The following NTMT1 variants were observed in gnomAD, a reference collection of about 807,000 sequenced individuals.
The protein encoded by NTMT1 is N-terminal Xaa-Pro-Lys N-methyltransferase 1, also known as N-terminal RCC1 methyltransferase.
Under a neutral mutation model 17.5 loss-of-function variants are expected in NTMT1, and 8 were observed. That is an observed-to-expected ratio of 0.46 (90% confidence interval 0.27 to 0.82). NTMT1 has a LOEUF of 0.82. NTMT1 is among the 40% of genes least tolerant of loss of function. The pLI is 0.15. For synonymous variants in NTMT1, 128 were observed against 126.8 expected (o/e 1.01, Z -0.06); for missense variants, 221 against 303.5 (o/e 0.73, Z 2.02).
intron 1 of NTMT1, among the ~76,000 whole-genome samples, chr9:129,616,310 G>C (rs879668623): frequency 6.6e-6 from 1 of 152,132 alleles, no homozygotes; most frequent in Non-Finnish European, 1.5e-5. Flanking sequence ...CCGCCTCCCG[G>C]GTTCACGCCA....
At chr9:129,616,755 A>C (rs998426172) in intron 1 of NTMT1, among the ~76,000 whole-genome samples, 3 of 152,196 alleles carry the variant, frequency 2.0e-5, no homozygotes, top group African/African-American at 7.2e-5. Flanking sequence ...TGTATATTTC[A>C]TAGATAACAT....
chr9:129,620,350 G>C lies in NTMT1; in HGVS notation c.-55+11172G>C, dbSNP rs571561788. 2.4e-6 allele frequency: 3 copies of C among 1,228,898 alleles called. No homozygotes were observed. Among genetic ancestry groups the C allele is most frequent in the Non-Finnish European group, 3.0e-6 (3 of 985,976 alleles). The allele number at this position is 1,228,898 out of a possible 1,614,324, so 76.1% of individuals were successfully genotyped here. The stretch of plus-strand genomic sequence containing the variant: ...GCAAGGCGGGCAGGCGCGGCGGGAG[G>C]CGTCCGACGCCCACCCCGGGCTTGG... On this transcript the variant is annotated intron_variant, in intron 1 of 3. Coordinates refer to the NTMT1 transcript ENST00000372486. This position sits in a 1 kb window ranked among gnomAD's most constrained non-coding sequence, Gnocchi z 5.8.
chr9:129,618,490 T>A (rs768968557), intron 1 of NTMT1, among the ~76,000 whole-genome samples: 23 of 152,078 alleles, frequency 1.5e-4, no homozygotes, highest in Non-Finnish European at 2.5e-4. Flanking sequence ...GAACTATGAA[T>A]GTATGGGTAG....
Position 129,619,938 on chromosome 9 carries a change from C to A in NTMT1, c.-55+10760C>A. 2.0e-6 allele frequency: 3 copies of A among 1,494,172 alleles called. No individual in the cohort carries two copies. The South Asian group carries it at 3.5e-5, about 17-fold the overall frequency. 92.6% of individuals were successfully genotyped at this position (1,494,172 alleles called of 1,614,324 possible). ...AGCCCTCAAGGACGGGTTGCGAGGGCTCTGAGATACTCAGCTAACATTAGC... is the reference window on the plus strand; with the variant it reads ...AGCCCTCAAGGACGGGTTGCGAGGGATCTGAGATACTCAGCTAACATTAGC... On this transcript the variant is annotated intron_variant, in intron 1 of 3. Coordinates refer to the NTMT1 transcript ENST00000372486.
At chr9:129,623,823 C>T (rs1011443296), upstream of NTMT1, among the ~76,000 whole-genome samples, 71 of 107,790 alleles carry the variant, frequency 6.6e-4, no homozygotes, top group East Asian at 1.3e-3. Context: ...TTTTTCTTTT[C>T]TTTTCTTTTT....
intron 1 of NTMT1, among the ~76,000 whole-genome samples, chr9:129,610,209 GGGA>G (rs1830079032): frequency 8.9e-6 from 1 of 111,940 alleles, no homozygotes. Flanking sequence ...GGGGGGAGGA[GGGA>G]GGGGGAGGGG....
At chr9:129,612,383 G>C in intron 1 of NTMT1, 1 of 1,613,570 alleles carries the variant, frequency 6.2e-7, no homozygotes, top group Non-Finnish European at 8.5e-7. Flanking sequence ...CGGAGGCCAG[G>C]AGGAGATGGT....
rs532504893 is a variant in NTMT1 at position 129,629,449 on chromosome 9, G to A, written c.-55+3154G>A. On this transcript the variant is annotated intron_variant, in intron 1 of 3. Coordinates refer to ENST00000372483, the MANE Select transcript of NTMT1 (RefSeq NM_014064.4). ...TCTGTTGCCCAGGCTGGAATGCAGAGGCAGGATCATGGCTCACTGCAGCCT... is the reference window on the plus strand; with the variant it reads ...TCTGTTGCCCAGGCTGGAATGCAGAAGCAGGATCATGGCTCACTGCAGCCT... Among the ~76,000 whole-genome samples the A allele has an allele frequency of 2.0e-5, 3 of 152,056 alleles. No individual in the cohort carries two copies. In the South Asian group the frequency reaches 6.2e-4, roughly 32 times the overall value.
chr9:129,634,334 C>T (rs572610652), intron 3 of NTMT1, 28 bp downstream of exon 3: 1 of 1,566,124 alleles, frequency 6.4e-7, no homozygotes, highest in South Asian at 1.2e-5. Flanking sequence ...CTTCCCTGCT[C>T]ACCTGTATGT....
intron 1 of NTMT1, among the ~76,000 whole-genome samples, chr9:129,627,896 A>G (rs1830973683): frequency 6.6e-6 from 1 of 152,200 alleles, no homozygotes; most frequent in Non-Finnish European, 1.5e-5. Flanking sequence ...TGCCGGTGAC[A>G]GTTTCAGCAC....
intron 1 of NTMT1, among the ~76,000 whole-genome samples, chr9:129,617,509 C>G (rs1387991169): frequency 1.3e-5 from 2 of 152,218 alleles, no homozygotes; most frequent in Non-Finnish European, 2.9e-5. Context: ...GTAAGGTGCT[C>G]AAGTATTTGC....
At chr9:129,619,717 C>T (rs761678064) in intron 1 of NTMT1, 25 of 1,613,428 alleles carry the variant, frequency 1.5e-5, no homozygotes, top group Non-Finnish European at 1.4e-5. Context: ...CCCGTCCCCA[C>T]CAAGAAGCGG....
At chr9:129,634,655 G>A (rs888030690) in intron 3 of NTMT1, 9 of 250,686 alleles carry the variant, frequency 3.6e-5, no homozygotes, top group South Asian at 1.3e-4. Context: ...TAAGCTTCGT[G>A]TCTAGCCCTG....
intron 1 of NTMT1, among the ~76,000 whole-genome samples, chr9:129,626,770 C>G (rs755259576): frequency 3.3e-5 from 5 of 152,232 alleles, no homozygotes; most frequent in Non-Finnish European, 5.9e-5. Flanking sequence ...CAGCCCGACA[C>G]AGGTGCAGCT....
chr9:129,610,491 G>A (rs544957364), intron 1 of NTMT1, among the ~76,000 whole-genome samples: 6 of 152,130 alleles, frequency 3.9e-5, no homozygotes, highest in African/African-American at 1.2e-4. Context: ...TGGGGGGCGG[G>A]GGCGGCGCGT....
intron 1 of NTMT1, among the ~76,000 whole-genome samples, chr9:129,631,824 C>G (rs535722385): frequency 6.6e-6 from 1 of 152,238 alleles, no homozygotes; most frequent in Non-Finnish European, 1.5e-5. Context: ...CCCGACTCCA[C>G]TTCCTCCCTC....
intron 1 of NTMT1, chr9:129,612,597 G>T: frequency 1.5e-6 from 1 of 660,298 alleles, no homozygotes; most frequent in African/African-American, 1.8e-5. Context: ...CAAATGCAAG[G>T]TCAAGCACGG....
At chr9:129,633,960 T>G in intron 2 of NTMT1, 94 bp from the exon 3 acceptor site, 6 of 1,422,836 alleles carry the variant, frequency 4.2e-6, no homozygotes, top group Non-Finnish European at 4.7e-6. Flanking sequence ...AGTCCTGGAA[T>G]CCTGACTTGA....
At position 129,632,634 on chromosome 9, in the gene NTMT1, C is replaced by A; in HGVS notation, c.-54-16C>A. The A allele has an allele frequency of 1.3e-6, 2 of 1,586,180 alleles. No homozygotes were observed. Among genetic ancestry groups the A allele is most frequent in the Non-Finnish European group, 1.7e-6 (2 of 1,160,708 alleles). ...AGGTCCCTGGCCCGCTGACTCACGC[C>A]CCCTTCCTTACCCAGGAGAGTCGCG... On this transcript the variant is annotated splice_polypyrimidine_tract_variant and intron_variant, in intron 1 of 3. Coordinates refer to ENST00000372483, the MANE Select transcript of NTMT1 (RefSeq NM_014064.4).
Sources: gnomAD v4.1 joint callset for allele counts (sites outside exome capture counted in the v4.1 genomes callset) on GRCh38, gnomAD v4.1.1 for gene constraint, Gnocchi (gnomAD v3.1) non-coding constraint, MANE v1.5 for transcripts, NCBI Gene and HGNC (gene_info 2026-07-23, HGNC 2026-07-21) for gene names.